The following MAPRE2 variants were observed in gnomAD, a reference collection of about 807,000 sequenced individuals.
MAPRE2 encodes the protein microtubule-associated protein RP/EB family member 2.
MAPRE2 carries 13 observed loss-of-function variants against 43.2 expected under a neutral mutation model. The ratio of observed to expected loss-of-function variants is 0.30; its 90% CI spans 0.20 to 0.48. The LOEUF is 0.48. Ranked by LOEUF, MAPRE2 falls within the 20% of genes least tolerant of loss-of-function variation. The probability of loss-of-function intolerance (pLI) is 0.99; values close to 1 mark genes in which losing one functional copy is unlikely to be tolerated. For synonymous variants in MAPRE2, 135 were observed against 148.8 expected (o/e 0.91, Z 0.68); for missense variants, 161 against 400.2 (o/e 0.40, Z 5.10).
intron 2 of MAPRE2, among the ~76,000 whole-genome samples, chr18:35,016,913 T>C (rs2097038639): frequency 6.6e-6 from 1 of 151,916 alleles, no homozygotes; most frequent in Non-Finnish European, 1.5e-5. Context: ...CCTAGTTTTT[T>C]TTCTAGGATT....
chr18:35,057,629 A>T (rs932142142), intron 1 of MAPRE2, among the ~76,000 whole-genome samples: 3 of 152,166 alleles, frequency 2.0e-5, no homozygotes, highest in Non-Finnish European at 4.4e-5. Context: ...TTATTGATTT[A>T]AAAAATTCTT....
At chr18:34,978,019 A>G (rs1286937050) in intron 1 of MAPRE2, among the ~76,000 whole-genome samples, 1 of 152,136 alleles carries the variant, frequency 6.6e-6, no homozygotes, top group Non-Finnish European at 1.5e-5. Flanking sequence ...AACCTCGGAG[A>G]AGGGGCGCTG....
At chr18:35,016,358 G>A (rs1446818847) in intron 2 of MAPRE2, among the ~76,000 whole-genome samples, 2 of 151,964 alleles carry the variant, frequency 1.3e-5, no homozygotes, top group African/African-American at 2.4e-5. Context: ...ATGTAGTTCT[G>A]TTTAAGTTCT....
intron 2 of MAPRE2, among the ~76,000 whole-genome samples, chr18:35,079,260 G>A (rs957939376): frequency 2.0e-5 from 3 of 152,112 alleles, no homozygotes; most frequent in African/African-American, 7.2e-5. Flanking sequence ...TGCTATTGAG[G>A]AAATTACAAC....
At chr18:35,031,675 T>G (rs950879049) in intron 2 of MAPRE2, among the ~76,000 whole-genome samples, 1 of 152,222 alleles carries the variant, frequency 6.6e-6, no homozygotes, top group Non-Finnish European at 1.5e-5. Flanking sequence ...TCTTGTCTCA[T>G]GCAATGGCAT....
At chr18:35,023,082 A>T (rs1205515749) in intron 2 of MAPRE2, among the ~76,000 whole-genome samples, 2 of 152,222 alleles carry the variant, frequency 1.3e-5, no homozygotes, top group Admixed American at 6.5e-5. Flanking sequence ...AAAACTAAAA[A>T]CAGAAATAAG....
At chr18:35,124,281 A>C (rs1909812702) in intron 4 of MAPRE2, among the ~76,000 whole-genome samples, 1 of 152,064 alleles carries the variant, frequency 6.6e-6, no homozygotes, top group Non-Finnish European at 1.5e-5. Context: ...CCCTTAAAAA[A>C]CCGTCAGATC....
chr18:35,050,066 A>G (rs1240121799), intron 1 of MAPRE2, among the ~76,000 whole-genome samples: 1 of 152,230 alleles, frequency 6.6e-6, no homozygotes, highest in African/African-American at 2.4e-5. Context: ...TCATATATTC[A>G]TACTTTATTC....
At chr18:34,988,849 G>C (rs1000118291) in intron 1 of MAPRE2, 1 of 152,132 alleles carries the variant, frequency 6.6e-6, no homozygotes, top group Non-Finnish European at 1.5e-5. Context: ...AAATCAAAAG[G>C]CAGGTTTTCT....
intron 6 of MAPRE2, among the ~76,000 whole-genome samples, chr18:35,135,836 G>T (rs112554851): frequency 1.3e-4 from 20 of 152,378 alleles, no homozygotes; most frequent in African/African-American, 4.3e-4. Flanking sequence ...TGTGTGTACA[G>T]AGCTGAGATG....
upstream of MAPRE2, among the ~76,000 whole-genome samples, chr18:35,038,096 G>C (rs1014309149): frequency 1.3e-5 from 2 of 151,084 alleles, no homozygotes; most frequent in Non-Finnish European, 3.0e-5. Flanking sequence ...CTCAGAGCTA[G>C]CTATTTCTCC....
Position 34,985,294 on chromosome 18 carries a change from AT to A in MAPRE2, c.-70+8217del, listed in dbSNP as rs2097019290. Among the ~76,000 whole-genome samples the A allele has an allele frequency of 4.2e-5, 2 of 47,224 alleles. 1 individual carries two copies. Among genetic ancestry groups the A allele is most frequent in the Non-Finnish European group, 7.0e-5 (2 of 28,728 alleles). 31.0% of individuals were successfully genotyped at this position (47,224 alleles called of 152,430 possible). On this transcript the variant is annotated intron_variant, in intron 1 of 7. Transcript: ENST00000413393. ...TATAATATAATATATTATATATTAT[AT>A]TATATATTGTATATATTATATTATA...
At chr18:34,980,228 T>C (rs1224812299) in intron 1 of MAPRE2, among the ~76,000 whole-genome samples, 8 of 151,992 alleles carry the variant, frequency 5.3e-5, no homozygotes, top group African/African-American at 1.7e-4. Context: ...TTTCACCATG[T>C]TGGCCAGGCC....
At chr18:35,046,682 A>T (rs624789) in intron 1 of MAPRE2, among the ~76,000 whole-genome samples, 1 of 152,116 alleles carries the variant, frequency 6.6e-6, no homozygotes, top group Admixed American at 6.5e-5. Context: ...CGGGATCCCA[A>T]TGCACCACTG....
intron 1 of MAPRE2, among the ~76,000 whole-genome samples, chr18:34,981,242 C>G (rs1334256565): frequency 6.6e-6 from 1 of 152,000 alleles, no homozygotes; most frequent in African/African-American, 2.4e-5. Context: ...GCCAAGGTGG[C>G]ACACACCTGT....
intron 1 of MAPRE2, among the ~76,000 whole-genome samples, chr18:34,982,426 A>G (rs1446654826): frequency 1.3e-5 from 2 of 152,166 alleles, no homozygotes; most frequent in Admixed American, 6.5e-5. Flanking sequence ...CTCAAAGCAC[A>G]TTCCCATCTC....
intron 2 of MAPRE2, among the ~76,000 whole-genome samples, chr18:35,080,138 A>G (rs1056299410): frequency 3.3e-4 from 50 of 152,250 alleles, no homozygotes; most frequent in African/African-American, 1.2e-3. Context: ...ATGCTATTCA[A>G]ACTAGGATTT....
chr18:35,140,163 G>C, intron 6 of MAPRE2, 132 bp from the exon 7 acceptor site: 2 of 712,798 alleles, frequency 2.8e-6, no homozygotes, highest in East Asian at 2.7e-5. Context: ...TTTGCATGGC[G>C]AGTTGTGCCT....
intron 4 of MAPRE2, among the ~76,000 whole-genome samples, chr18:35,117,156 G>A (rs771821508): frequency 6.6e-6 from 1 of 152,220 alleles, no homozygotes; most frequent in African/African-American, 2.4e-5. Context: ...GTAAAGCAGA[G>A]GAGGAAATTG....
Sources: gnomAD v4.1 joint callset for allele counts (sites outside exome capture counted in the v4.1 genomes callset) on GRCh38, gnomAD v4.1.1 for gene constraint, MANE v1.5 for transcripts, NCBI Gene and HGNC (gene_info 2026-07-23, HGNC 2026-07-21) for gene names.